DYNC2H1: variants seen among roughly 807,000 people sequenced by gnomAD.
DYNC2H1 encodes the protein dynein cytoplasmic 2 heavy chain 1.
Under a neutral mutation model 570.0 loss-of-function variants are expected in DYNC2H1, and 410 were observed. That is an observed-to-expected ratio of 0.72 (90% CI 0.66 to 0.78). The LOEUF (loss-of-function observed/expected upper bound fraction) is 0.78, where lower values mean the gene tolerates loss of function less well. Among genes scored for constraint, DYNC2H1 ranks in the 30% least tolerant of loss-of-function variants. The pLI is 0.00. For synonymous variants in DYNC2H1, 1,688 were observed against 1,677.6 expected (o/e 1.01, Z -0.15); for missense variants, 4,865 against 5,046.4 (o/e 0.96, Z 1.09).
At chr11:103,452,795 C>G (rs1944656662) in intron 85 of DYNC2H1, among the ~76,000 whole-genome samples, 1 of 86,608 alleles carries the variant, frequency 1.2e-5, no homozygotes, top group Non-Finnish European at 2.6e-5. Context: ...CTCATCTCCT[C>G]TAAATAAGCT....
chr11:103,128,497 ATC>A (rs1859105644), intron 12 of DYNC2H1, among the ~76,000 whole-genome samples: 1 of 152,244 alleles, frequency 6.6e-6, no homozygotes, highest in Non-Finnish European at 1.5e-5. Context: ...CATTAAGGAT[ATC>A]TCAAAGAATT....
At chr11:103,422,089 T>C (rs1182230054) in intron 84 of DYNC2H1, among the ~76,000 whole-genome samples, 1 of 152,076 alleles carries the variant, frequency 6.6e-6, no homozygotes, top group Non-Finnish European at 1.5e-5. Flanking sequence ...CCAGGCCATC[T>C]AGAAGAAATG....
At chr11:103,426,610 C>G (rs1009554212) in intron 84 of DYNC2H1, among the ~76,000 whole-genome samples, 6 of 152,100 alleles carry the variant, frequency 3.9e-5, no homozygotes, top group Non-Finnish European at 7.3e-5. Context: ...GCTTGGAAGA[C>G]TATATGTAAG....
chr11:103,337,186 T>C (rs1939182962), intron 82 of DYNC2H1, among the ~76,000 whole-genome samples: 1 of 152,210 alleles, frequency 6.6e-6, no homozygotes, highest in Non-Finnish European at 1.5e-5. Context: ...TTTTGGCCCA[T>C]CCCATTGTTC....
chr11:103,296,715 C>T (rs1041069780), intron 75 of DYNC2H1, among the ~76,000 whole-genome samples: 4 of 151,822 alleles, frequency 2.6e-5, no homozygotes, highest in African/African-American at 4.8e-5. Context: ...TCCCACATCA[C>T]GAATTTCACC....
intron 17 of DYNC2H1, among the ~76,000 whole-genome samples, chr11:103,141,854 G>A (rs1008367059): frequency 7.2e-5 from 11 of 152,324 alleles, no homozygotes; most frequent in African/African-American, 2.2e-4. Flanking sequence ...GCTGTGGTGG[G>A]CTCCACCCAG....
At position 103,303,232 on chromosome 11, in the gene DYNC2H1, A is replaced by C. The variant is rs766150774; in HGVS notation, c.11235A>C (p.Arg3745Ser). Residue 3745 changes from arginine to serine, a missense_variant, in exon 76 of 89, where the codon AGA becomes AGC. By Grantham distance (110) the Arg-to-Ser change is moderately radical. Transcript: ENST00000375735. ...QELQELANAE[R>S]SGECYHQVAM... Reference sequence around the variant, plus strand: ...TTCAAGAACTAGCTAATGCTGAAAGAAGCGGAGAGTGTTATCACCAGGTAA... The same window carrying C: ...TTCAAGAACTAGCTAATGCTGAAAGCAGCGGAGAGTGTTATCACCAGGTAA... 4.3e-6 allele frequency: 7 copies of C among 1,612,278 alleles called. No homozygotes were observed. The highest frequency in any genetic ancestry group is 5.1e-6 in the Non-Finnish European group (6 of 1,178,810).
At chr11:103,194,277 C>A (rs1862431034) in intron 47 of DYNC2H1, among the ~76,000 whole-genome samples, 1 of 139,784 alleles carries the variant, frequency 7.2e-6, no homozygotes, top group Non-Finnish European at 1.5e-5. Flanking sequence ...GCTTTTTATT[C>A]CATCATATGA....
rs11225634 is a variant in DYNC2H1 at position 103,253,406 on chromosome 11, T to G, written c.10164T>G (p.Thr3388=). The G allele has an allele frequency of 0.13, 208,974 of 1,612,672 alleles. 15,438 individuals carry two copies. The highest frequency in any genetic ancestry group is 0.32 in the African/African-American group (24,291 of 74,876). ...FIPPDAASIV[T]EVNFTTTRSG... ...CACCGGATGCAGCTTCCATTGTTAC[T>G]GAGGTTAACTTTACTACAACAAGAA... is the stretch of plus-strand genomic sequence containing the variant. Residue 3388 remains threonine (T), a synonymous_variant, in exon 66 of 89, where the codon ACT becomes ACG. Transcript: ENST00000375735.
At position 103,283,065 on chromosome 11, in the gene DYNC2H1, T is replaced by C; in HGVS notation, c.10870T>C (p.Trp3624Arg). 5 of 1,608,404 alleles carry C rather than the reference T, an allele frequency of 3.1e-6. No homozygotes were observed. The highest frequency in any genetic ancestry group is 4.2e-6 in the Non-Finnish European group (5 of 1,176,694). Residue 3624 changes from tryptophan (W) to arginine (R), a missense_variant, in exon 73 of 89, where the codon TGG becomes CGG. Trp to Arg is a moderately radical substitution (Grantham distance 101). Coordinates refer to ENST00000375735, the MANE Select transcript of DYNC2H1 (RefSeq NM_001377.3). ...GTCTTGGATAGATCAGGAACGAAGC[T>C]GGGCCGTGGCAACATTAAAGGTATT... is the stretch of plus-strand genomic sequence containing the variant. ...LPSWIDQERS[W>R]AVATLKIALP...
At chr11:103,223,312 T>G (rs1040728553) in intron 59 of DYNC2H1, among the ~76,000 whole-genome samples, 3 of 152,176 alleles carry the variant, frequency 2.0e-5, no homozygotes, top group African/African-American at 7.2e-5. Flanking sequence ...CATTATTATA[T>G]TGTTGGAAGG....
rs763169398 is a variant in DYNC2H1, at chr11:103,323,976, A to C, written c.12025A>C (p.Met4009Leu). The C allele has an allele frequency of 1.2e-5, 20 of 1,610,736 alleles. 1 individual carries two copies. The African/African-American group carries it at 1.7e-4, about 14-fold the overall frequency. Residue 4009 changes from methionine (M) to leucine (L), a missense_variant, in exon 82 of 89, where the codon ATG becomes CTG. Physicochemically the swap from Met to Leu is conservative, Grantham distance 15 (BLOSUM62 2). Around this residue, in one of 5 missense-constraint regions of DYNC2H1, gnomAD observed 2,401 missense variants for 2,454.6 expected, o/e 0.98. Transcript: ENST00000375735. ...CAATATCGCTCGCTCATCTCAGCGCATGATCAGTTCTCAGGTAACCTAAAA... is the reference window on the plus strand; with the variant it reads ...CAATATCGCTCGCTCATCTCAGCGCCTGATCAGTTCTCAGGTAACCTAAAA... ...PANIARSSQR[M>L]ISSQVISQLR...
intron 84 of DYNC2H1, among the ~76,000 whole-genome samples, chr11:103,412,020 C>G (rs1943108189): frequency 6.6e-6 from 1 of 152,094 alleles, no homozygotes; most frequent in East Asian, 1.9e-4. Flanking sequence ...TGATGAAATG[C>G]AAATGAGACT....
rs999993447 is a variant in DYNC2H1 at position 103,312,116 on chromosome 11, C to T, written c.11649+83C>T. 5 of 1,450,524 alleles carry T rather than the reference C, an allele frequency of 3.4e-6. No homozygotes were observed. The African/African-American group carries it at 4.3e-5, about 12-fold the overall frequency. The allele number at this position is 1,450,524 out of a possible 1,614,324, so 89.9% of individuals were successfully genotyped here. ...ATTTTTGTGGCCAGGCATGGTGGCT[C>T]ATGCCTGTAATCCCAGTACTGTGGG... On this transcript the variant is annotated intron_variant, in intron 79 of 88. Coordinates refer to ENST00000375735, the MANE Select transcript of DYNC2H1 (RefSeq NM_001377.3).
At chr11:103,387,445 G>T (rs557000680) in intron 83 of DYNC2H1, among the ~76,000 whole-genome samples, 9 of 152,214 alleles carry the variant, frequency 5.9e-5, no homozygotes, top group African/African-American at 1.9e-4. Context: ...CTCCTATTCT[G>T]TCAGTTGCCT....
rs1472711305 is a variant in DYNC2H1, at chr11:103,151,167, T to C, written c.2947-969T>C. Among the ~76,000 whole-genome samples, 1 of 152,120 alleles carries C rather than the reference T, an allele frequency of 6.6e-6. No homozygotes were observed. The highest frequency in any genetic ancestry group is 1.5e-5 in the Non-Finnish European group (1 of 68,018). ...ATTAAAATCCTGAGGTGTCCAATCA[T>C]AGTTCACTGCAGCCTCAAACTCCTG... On this transcript the variant is annotated intron_variant, in intron 20 of 88. Coordinates refer to ENST00000375735, the MANE Select transcript of DYNC2H1 (RefSeq NM_001377.3). The surrounding 1 kb of genome is among the most constrained non-coding windows in gnomAD (Gnocchi z 4.6).
chr11:103,130,117 C>T (rs376194440), intron 13 of DYNC2H1, among the ~76,000 whole-genome samples: 2 of 152,146 alleles, frequency 1.3e-5, no homozygotes, highest in East Asian at 1.9e-4. Context: ...AATTGTAACA[C>T]GTGAAATTTC....
At chr11:103,327,183 T>G (rs961638848) in intron 82 of DYNC2H1, among the ~76,000 whole-genome samples, 3 of 151,972 alleles carry the variant, frequency 2.0e-5, no homozygotes, top group African/African-American at 7.2e-5. Context: ...TCGGTAGTGT[T>G]TTCTTCCCCA....
Position 103,334,355 on chromosome 11 carries a change from C to T in DYNC2H1, c.12039+10365C>T, listed in dbSNP as rs1012062980. 2.0e-5 allele frequency among the ~76,000 whole-genome samples: 3 copies of T among 152,026 alleles called. No individual in the cohort carries two copies. The highest frequency in any genetic ancestry group is 7.2e-5 in the African/African-American group (3 of 41,402). On this transcript the variant is annotated intron_variant, in intron 82 of 88. Transcript: ENST00000375735. The surrounding 1 kb of genome is among the most constrained non-coding windows in gnomAD (Gnocchi z 4.3). ...TATTTCTGGCACGGATAGGGTAGAA[C>T]AGAATTTGGCTACAAGGAATATCTG...
Sources: allele counts gnomAD v4.1 joint callset (sites outside exome capture counted in the v4.1 genomes callset), GRCh38; gene constraint gnomAD v4.1.1; regional missense constraint gnomAD v4.1.1; non-coding constraint Gnocchi (gnomAD v3.1); transcripts MANE v1.5; gene names NCBI Gene and HGNC (gene_info 2026-07-23, HGNC 2026-07-21).